Variants in TG observed in about 807,000 individuals in gnomAD.
TG encodes thyroglobulin, also known as thyroid hormones.
TG carries 270 observed loss-of-function variants against 324.7 expected under a neutral mutation model. The observed-to-expected ratio is 0.83, with a 90% CI of 0.75 to 0.92. The LOEUF (loss-of-function observed/expected upper bound fraction) is 0.92, where lower values mean the gene tolerates loss of function less well. Ranked by LOEUF, TG falls within the 40% of genes least tolerant of loss-of-function variation. The pLI is 0.00. For missense variants in TG, 3,591 were observed against 3,456.4 expected (o/e 1.04, Z -0.98); for synonymous variants, 1,401 against 1,327.0 (o/e 1.06, Z -1.21).
chr8:133,030,087 GTGC>G (rs1356084339), intron 41 of TG, 64 bp downstream of exon 41: 1 of 1,602,720 alleles, frequency 6.2e-7, no homozygotes, highest in African/African-American at 1.3e-5. Flanking sequence ...TGGTTCTCCT[GTGC>G]TGCAAAAGTC....
At position 133,013,602 on chromosome 8, in the gene TG, T is replaced by C; in HGVS notation, c.6400T>C (p.Cys2134Arg). ...ACTCTTCTCCCTCTTTTCTGCAGAA[T>C]GTTCCCAACATGAGGCCTGTCTCAT... Reference protein sequence around the residue: ...SAVRDLCLSECSQHEACLITT... With the variant: ...SAVRDLCLSERSQHEACLITT... The change falls in exon 37 of 48, where the codon TGT (cysteine) becomes CGT (arginine). Residue 2134 changes from cysteine to arginine, a missense_variant and splice_region_variant. Cys to Arg is a radical substitution (Grantham distance 180). Transcript: ENST00000220616. The C allele has an allele frequency of 6.2e-7, 1 of 1,614,188 alleles. No individual in the cohort carries two copies. Among genetic ancestry groups the C allele is most frequent in the Non-Finnish European group, 8.5e-7 (1 of 1,180,044 alleles).
At position 132,879,208 on chromosome 8, in the gene TG, C is replaced by A. The variant is rs78625327; in HGVS notation, c.639-2655C>A. On this transcript the variant is annotated intron_variant, in intron 5 of 47. Transcript: ENST00000220616. Reference sequence around the variant, plus strand: ...AAATTGTATCAAATGGAATTGTGGGCACACAGGAAATTGGGAAGATTCAGA... The same window carrying A: ...AAATTGTATCAAATGGAATTGTGGGAACACAGGAAATTGGGAAGATTCAGA... Among the ~76,000 whole-genome samples, 250 of 152,292 alleles carry A rather than the reference C, an allele frequency of 1.6e-3. 2 individuals are homozygous for A. The highest frequency in any genetic ancestry group is 5.6e-3 in the African/African-American group (231 of 41,562).
intron 41 of TG, among the ~76,000 whole-genome samples, chr8:133,036,522 G>A (rs1223281033): frequency 6.6e-6 from 1 of 152,106 alleles, no homozygotes; most frequent in Non-Finnish European, 1.5e-5. Flanking sequence ...CCATCTTCAA[G>A]TTTCGTAAGA....
At chr8:133,010,750 C>A (rs115974649) in intron 35 of TG, among the ~76,000 whole-genome samples, 2,511 of 152,228 alleles carry the variant, frequency 0.016, 78 homozygotes, top group African/African-American at 0.058. Context: ...TAGGCACGGC[C>A]CTTGCACCAG....
chr8:132,909,855 G>A (rs892047973), intron 18 of TG, among the ~76,000 whole-genome samples: 10 of 152,150 alleles, frequency 6.6e-5, no homozygotes, highest in South Asian at 2.1e-4. Context: ...TTTGAATCCC[G>A]GCTCTACTAC....
chr8:133,056,731 T>C (rs1841503206), intron 41 of TG, among the ~76,000 whole-genome samples: 1 of 152,220 alleles, frequency 6.6e-6, no homozygotes, highest in Non-Finnish European at 1.5e-5. Context: ...GTCTGGAGGC[T>C]GTGAGCACCA....
chr8:133,091,728 CTA>C (rs1588067138), intron 41 of TG, among the ~76,000 whole-genome samples: 1 of 151,398 alleles, frequency 6.6e-6, no homozygotes, highest in Admixed American at 6.6e-5. Flanking sequence ...GAGTGTGTGT[CTA>C]TGTGTGTGGG....
At chr8:132,981,557 A>G (rs1244684699) in intron 34 of TG, among the ~76,000 whole-genome samples, 3 of 152,196 alleles carry the variant, frequency 2.0e-5, no homozygotes, top group Non-Finnish European at 4.4e-5. Flanking sequence ...ATATAGAGGA[A>G]CATGGGGGTA....
At position 133,030,104 on chromosome 8, in the gene TG, T is replaced by C. The variant is rs1206732898; in HGVS notation, c.7239+81T>C. 37 of 1,546,500 alleles carry C rather than the reference T, an allele frequency of 2.4e-5. No individual in the cohort carries two copies. The East Asian group carries it at 8.1e-4, about 34-fold the overall frequency. ...GTTCTCCTGTGCTGCAAAAGTCTAGTTGGCTTCAATTGCTTGGGTTTCCCT... is the reference window on the plus strand; with the variant it reads ...GTTCTCCTGTGCTGCAAAAGTCTAGCTGGCTTCAATTGCTTGGGTTTCCCT... On this transcript the variant is annotated intron_variant, in intron 41 of 47. Transcript: ENST00000220616.
intron 41 of TG, among the ~76,000 whole-genome samples, chr8:133,062,647 G>A (rs954207375): frequency 4.6e-5 from 7 of 152,100 alleles, no homozygotes; most frequent in African/African-American, 1.4e-4. Flanking sequence ...CGGGAAGCAT[G>A]CGTGTGACAT....
intron 41 of TG, among the ~76,000 whole-genome samples, chr8:133,039,723 T>C (rs959329232): frequency 6.6e-6 from 1 of 152,208 alleles, no homozygotes; most frequent in African/African-American, 2.4e-5. Context: ...AGCTAGAATG[T>C]ATATTGCTAG....
intron 35 of TG, among the ~76,000 whole-genome samples, chr8:133,006,933 T>C (rs1012777029): frequency 3.9e-5 from 6 of 152,246 alleles, no homozygotes; most frequent in Admixed American, 6.5e-5. Context: ...ATGTAGTCAG[T>C]TGGAATCTCA....
At position 132,901,448 on chromosome 8, in the gene TG, T is replaced by G. The variant is rs779900722; in HGVS notation, c.3529T>G (p.Ser1177Ala). 4.3e-6 allele frequency: 7 copies of G among 1,614,090 alleles called. No homozygotes were observed. Among genetic ancestry groups the G allele is most frequent in the Non-Finnish European group, 5.9e-6 (7 of 1,180,048 alleles). The stretch of plus-strand genomic sequence containing the variant: ...CTGCAGGGCAGAGGATGGGGGCTTT[T>G]CCCCAGTGCAATGTGACCAGGCCCA... ...PACRAEDGGFSPVQCDQAQGS... is the reference protein window; with the variant it reads ...PACRAEDGGFAPVQCDQAQGS... The change falls in exon 16 of 48, where the codon TCC becomes GCC. Residue 1177 changes from serine (S) to alanine (A), a missense_variant. Transcript: ENST00000220616.
intron 22 of TG, among the ~76,000 whole-genome samples, chr8:132,926,152 T>C (rs1821837071): frequency 1.3e-5 from 2 of 152,202 alleles, no homozygotes; most frequent in Non-Finnish European, 2.9e-5. Flanking sequence ...TGTTTAAGGC[T>C]TTTGTCCTTC....
At chr8:132,885,135 G>T (rs930628242) in intron 8 of TG, among the ~76,000 whole-genome samples, 8 of 150,742 alleles carry the variant, frequency 5.3e-5, no homozygotes, top group African/African-American at 7.4e-5. Flanking sequence ...AAGTTGGGGG[G>T]GGGGCGTGGT....
chr8:133,096,354 A>T lies in TG; in HGVS notation c.7553A>T (p.Asn2518Ile), dbSNP rs750849260. 6.2e-7 allele frequency: 1 copy of T among 1,614,192 alleles called. No homozygotes were observed. The highest frequency in any genetic ancestry group is 1.1e-5 in the South Asian group (1 of 91,088). Residue 2518 changes from asparagine (N) to isoleucine (I), a missense_variant, in exon 43 of 48, where the codon AAC (asparagine) becomes ATC (isoleucine). Transcript: ENST00000220616. ...IGSSQDDGLI[N>I]RAKAVKQFEE... is the part of the protein sequence containing the mutation. The stretch of plus-strand genomic sequence containing the variant: ...AGTTCTCAGGACGACGGGCTCATCA[A>T]CAGAGCAAAGGCTGTGAAGGTAAGC...
chr8:132,916,146 A>C (rs890230774), intron 20 of TG, among the ~76,000 whole-genome samples: 1 of 152,226 alleles, frequency 6.6e-6, no homozygotes, highest in Non-Finnish European at 1.5e-5. Flanking sequence ...TAGCTCCAAC[A>C]CTTTCTCATT....
chr8:133,105,395 G>T (rs1268724025), intron 43 of TG, among the ~76,000 whole-genome samples: 1 of 152,122 alleles, frequency 6.6e-6, no homozygotes, highest in African/African-American at 2.4e-5. Context: ...GTAGGCACAG[G>T]CTACAGCAAA....
In TG at chr8:133,004,861, G is replaced by T. The variant is rs185666077; in HGVS notation, c.6263-7040G>T. Reference sequence around the variant, plus strand: ...CTGAGTGGGCTGAGACTCATGATCAGGAGGCCCTTGTTTGGAGCCTGCATG... The same window carrying T: ...CTGAGTGGGCTGAGACTCATGATCATGAGGCCCTTGTTTGGAGCCTGCATG... On this transcript the variant is annotated intron_variant, in intron 35 of 47. Transcript: ENST00000220616. 1.4e-3 allele frequency among the ~76,000 whole-genome samples: 217 copies of T among 152,272 alleles called. 4 individuals carry two copies. The highest frequency in any genetic ancestry group is 0.014 in the Admixed American group (214 of 15,300).
Sources: gnomAD v4.1 joint callset for allele counts (sites outside exome capture counted in the v4.1 genomes callset) on GRCh38, gnomAD v4.1.1 for gene constraint, MANE v1.5 for transcripts, NCBI Gene and HGNC (gene_info 2026-07-23, HGNC 2026-07-21) for gene names.